Variants in ANKRD17 observed in about 807,000 individuals in gnomAD.
The protein encoded by ANKRD17 is ankyrin repeat domain-containing protein 17.
In ANKRD17, 19 loss-of-function variants were observed where a neutral mutation model predicts 229.7. That is an observed-to-expected ratio of 0.08 (90% CI 0.06 to 0.12). ANKRD17 has a LOEUF of 0.12. Among genes scored for constraint, ANKRD17 ranks in the 10% least tolerant of loss-of-function variants. The pLI is 1.00. For missense variants in ANKRD17, 2,176 were observed against 3,176.8 expected, an observed-to-expected ratio of 0.68 and a Z score of 7.57; for synonymous variants, 1,112 against 1,146.1, an observed-to-expected ratio of 0.97 and a Z score of 0.60.
At chr4:73,219,800 T>C (rs1741614624) in intron 1 of ANKRD17, among the ~76,000 whole-genome samples, 1 of 152,144 alleles carries the variant, frequency 6.6e-6, no homozygotes, top group African/African-American at 2.4e-5. Flanking sequence ...CTTAACAATA[T>C]AAACATTTTT....
chr4:73,127,929 C>A (rs1425511071), intron 16 of ANKRD17, among the ~76,000 whole-genome samples: 3 of 152,022 alleles, frequency 2.0e-5, no homozygotes. Flanking sequence ...AAAGAAAAAG[C>A]CTACTAGTCA....
chr4:73,178,525 A>G (rs777458264), intron 1 of ANKRD17, among the ~76,000 whole-genome samples: 2 of 152,178 alleles, frequency 1.3e-5, no homozygotes, highest in South Asian at 2.1e-4. Flanking sequence ...GAATACAATC[A>G]TATCAGTACA....
intron 22 of ANKRD17, among the ~76,000 whole-genome samples, chr4:73,116,734 G>T (rs982745237): frequency 5.3e-5 from 8 of 151,906 alleles, no homozygotes; most frequent in African/African-American, 1.9e-4. Flanking sequence ...ACCTAACTTT[G>T]GGTATGGATC....
chr4:73,192,341 T>A (rs1018611928), intron 1 of ANKRD17, among the ~76,000 whole-genome samples: 14 of 151,854 alleles, frequency 9.2e-5, no homozygotes, highest in African/African-American at 3.4e-4. Flanking sequence ...AAAAGCAGCC[T>A]GAAGCAAAAA....
intron 10 of ANKRD17, 151 bp downstream of exon 10, chr4:73,146,613 G>A (rs1730309708): frequency 1.8e-6 from 1 of 565,130 alleles, no homozygotes; most frequent in Non-Finnish European, 2.9e-6. Flanking sequence ...GGAAAAAAAT[G>A]TGACTAAGTG....
chr4:73,254,488 G>A (rs899980410), intron 1 of ANKRD17, among the ~76,000 whole-genome samples: 1 of 152,178 alleles, frequency 6.6e-6, no homozygotes, highest in South Asian at 2.1e-4. Context: ...TAAGATTGCA[G>A]TGCGCAGTGT....
intron 2 of ANKRD17, among the ~76,000 whole-genome samples, chr4:73,175,811 T>C (rs1214599575): frequency 6.6e-6 from 1 of 152,048 alleles, no homozygotes; most frequent in Non-Finnish European, 1.5e-5. Flanking sequence ...AGAATCAAAA[T>C]GGATTCAAGA....
At position 73,142,304 on chromosome 4, in the gene ANKRD17, A is replaced by G. The variant is rs774970243; in HGVS notation, c.2167T>C (p.Leu723=). 3.8e-6 allele frequency: 6 copies of G among 1,563,608 alleles called. No homozygotes were observed. In the South Asian group the frequency reaches 6.2e-5, roughly 16 times the overall value. Residue 723 remains leucine, a synonymous_variant, in exon 13 of 34, where the codon TTG becomes CTG. Coordinates refer to ENST00000358602, the MANE Select transcript of ANKRD17 (RefSeq NM_032217.5). ...VCYLLDYPNN[L]LSAPPPDVTQ... is the part of the protein sequence containing the mutation. The stretch of plus-strand genomic sequence containing the variant: ...ACATCTGGTGGAGGGGCTGAAAGCA[A>G]GTTATTAGGATAATCCAAGAGATAG...
At chr4:73,121,137 T>G (rs753943405) in intron 19 of ANKRD17, 43 bp from the exon 20 acceptor site, 2 of 1,503,156 alleles carry the variant, frequency 1.3e-6, no homozygotes. Flanking sequence ...AAAATATATA[T>G]TTTAAATGAC....
chr4:73,130,369 C>T (rs1188526857), intron 16 of ANKRD17, among the ~76,000 whole-genome samples: 2 of 152,004 alleles, frequency 1.3e-5, no homozygotes, highest in African/African-American at 4.8e-5. Context: ...TTTTGCTGGC[C>T]TCTCTAATTT....
chr4:73,097,433 C>G (rs970731910), intron 26 of ANKRD17, among the ~76,000 whole-genome samples, 161 bp from the exon 27 acceptor site: 4 of 139,332 alleles, frequency 2.9e-5, no homozygotes, highest in Non-Finnish European at 4.5e-5. Context: ...ATATAGAGAG[C>G]CTTTTTTTTT....
At chr4:73,160,249 G>A (rs991325388) in intron 3 of ANKRD17, among the ~76,000 whole-genome samples, 12 of 103,438 alleles carry the variant, frequency 1.2e-4, no homozygotes, top group Admixed American at 3.2e-4. Flanking sequence ...ATGGAGTTTC[G>A]CTCTTGTTGC....
At chr4:73,214,906 A>C (rs1323048985) in intron 1 of ANKRD17, among the ~76,000 whole-genome samples, 1 of 151,326 alleles carries the variant, frequency 6.6e-6, no homozygotes, top group Non-Finnish European at 1.5e-5. Flanking sequence ...TTCAGTCTTG[A>C]ATATATTACT....
chr4:73,239,339 C>G (rs1743796768), intron 1 of ANKRD17, among the ~76,000 whole-genome samples: 1 of 152,102 alleles, frequency 6.6e-6, no homozygotes, highest in African/African-American at 2.4e-5. Context: ...GAAACAATAT[C>G]AAAAAGTCCA....
intron 2 of ANKRD17, among the ~76,000 whole-genome samples, chr4:73,176,834 C>G (rs2148990968): frequency 1.3e-5 from 2 of 152,224 alleles, no homozygotes; most frequent in Admixed American, 1.3e-4. Flanking sequence ...CCCATAAATA[C>G]TTACACCTAC....
chr4:73,121,772 T>C lies in ANKRD17; in HGVS notation c.3493-13A>G. ...ATAGCTCCACCACCTGAAAATAAAA[T>C]AGAAAAAAATATGTTTTCTTATGGA... On this transcript the variant is annotated splice_polypyrimidine_tract_variant and intron_variant, in intron 18 of 33. Coordinates refer to ENST00000358602, the MANE Select transcript of ANKRD17 (RefSeq NM_032217.5). The C allele has an allele frequency of 6.4e-7, 1 of 1,570,342 alleles. No individual in the cohort carries two copies.
chr4:73,139,812 A>G lies in ANKRD17; in HGVS notation c.2804T>C (p.Val935Ala). 6.2e-7 allele frequency: 1 copy of G among 1,614,200 alleles called. No homozygotes were observed. Among genetic ancestry groups the G allele is most frequent in the Non-Finnish European group, 8.5e-7 (1 of 1,180,032 alleles). ...CTGCTGGGGTTCATCTTTAAGTAAA[A>G]CAGGATCCACTTGCTGTAACCGTGC... ...DYARLQQVDP[V>A]LLKDEPQQTA... The change falls in exon 15 of 34, where the codon GTT becomes GCT. Residue 935 changes from valine (V) to alanine (A), a missense_variant. This residue lies in a region of ANKRD17 where 230 missense variants were observed against 252.3 expected (regional missense o/e 0.91). Transcript: ENST00000358602.
intron 26 of ANKRD17, among the ~76,000 whole-genome samples, chr4:73,097,519 T>C (rs1382852955): frequency 6.6e-6 from 1 of 151,902 alleles, no homozygotes; most frequent in East Asian, 1.9e-4. Flanking sequence ...ACTGCAGCCT[T>C]GAGCTCTCGG....
intron 23 of ANKRD17, among the ~76,000 whole-genome samples, chr4:73,115,578 C>A (rs1360764696): frequency 2.0e-5 from 3 of 152,156 alleles, no homozygotes; most frequent in African/African-American, 7.2e-5. Flanking sequence ...GGGTGAGCCA[C>A]TGCACCTGGC....
Sources: gnomAD v4.1 joint callset for allele counts (sites outside exome capture counted in the v4.1 genomes callset) on GRCh38, gnomAD v4.1.1 for gene constraint, gnomAD v4.1.1 regional missense constraint, MANE v1.5 for transcripts, NCBI Gene and HGNC (gene_info 2026-07-23, HGNC 2026-07-21) for gene names.